CSMD2: variants seen among roughly 807,000 people sequenced by gnomAD.
CSMD2 encodes the protein CUB and sushi domain-containing protein 2.
A neutral mutation model predicts 398.5 loss-of-function variants in CSMD2; 130 were observed. The observed-to-expected ratio is 0.33, with a 90% CI of 0.28 to 0.38. The LOEUF (loss-of-function observed/expected upper bound fraction) is 0.38. Among genes scored for constraint, CSMD2 ranks in the 10% least tolerant of loss-of-function variants. The pLI is 1.00. For missense variants in CSMD2, 3,829 were observed against 4,764.9 expected (o/e 0.80, Z 5.78); for synonymous variants, 1,828 against 1,908.5 (o/e 0.96, Z 1.10).
At chr1:33,555,232 A>T (rs1006145152) in intron 55 of CSMD2, among the ~76,000 whole-genome samples, 25 of 152,264 alleles carry the variant, frequency 1.6e-4, no homozygotes, top group African/African-American at 4.8e-4. Context: ...AGATGTGGTA[A>T]AAGTAGCAAG....
At chr1:34,041,753 C>T (rs1405112225) in intron 2 of CSMD2, among the ~76,000 whole-genome samples, 2 of 152,148 alleles carry the variant, frequency 1.3e-5, no homozygotes, top group Admixed American at 6.5e-5. Context: ...GTCTCCACAT[C>T]CCTAGGGCCA....
intron 3 of CSMD2, among the ~76,000 whole-genome samples, chr1:34,013,024 C>G (rs1647577893): frequency 6.6e-6 from 1 of 152,224 alleles, no homozygotes; most frequent in Non-Finnish European, 1.5e-5. Flanking sequence ...AAGCCCAACA[C>G]TAAGCCCAAG....
At chr1:33,517,360 C>T (rs10914738) in intron 70 of CSMD2, among the ~76,000 whole-genome samples, 22,413 of 152,076 alleles carry the variant, frequency 0.15, 2,157 homozygotes, top group East Asian at 0.39. Context: ...CCAGCCGACC[C>T]GGAGGTGACA....
intron 12 of CSMD2, among the ~76,000 whole-genome samples, chr1:33,784,214 C>T (rs564403645): frequency 2.6e-5 from 4 of 152,266 alleles, no homozygotes; most frequent in African/African-American, 7.2e-5. Flanking sequence ...AGGATAGACT[C>T]TGAGGGGCAG....
chr1:33,698,450 C>G (rs910500139), intron 24 of CSMD2, among the ~76,000 whole-genome samples: 3 of 152,214 alleles, frequency 2.0e-5, no homozygotes, highest in African/African-American at 7.2e-5. Flanking sequence ...GACTCTCCCA[C>G]CTCATCGCTA....
At chr1:33,731,951 G>A (rs1325122052) in intron 15 of CSMD2, among the ~76,000 whole-genome samples, 6 of 152,122 alleles carry the variant, frequency 3.9e-5, no homozygotes, top group African/African-American at 1.4e-4. Flanking sequence ...AATGGGTGGG[G>A]ATATAAATGA....
rs559678917 is a variant in CSMD2, at chr1:34,120,293, G to A, written c.188-31100C>T. On this transcript the variant is annotated intron_variant, in intron 1 of 70. Transcript: ENST00000373381. ...ATTAAGATGGTGATTGTCATGGGCT[G>A]GGGGAAAGGAGAGTTGTTGCTCAAT... 3.8e-3 allele frequency among the ~76,000 whole-genome samples: 576 copies of A among 152,280 alleles called. 3 individuals are homozygous for A. The highest frequency in any genetic ancestry group is 0.013 in the African/African-American group (551 of 41,570).
intron 46 of CSMD2, 34 bp from the exon 47 acceptor site, chr1:33,583,864 G>A (rs376786772): frequency 1.2e-4 from 188 of 1,592,022 alleles, no homozygotes; most frequent in Non-Finnish European, 1.6e-4. Context: ...CAAGTACGTG[G>A]GGGTGGAGAT....
At chr1:34,154,926 C>T (rs1571288938) in intron 1 of CSMD2, among the ~76,000 whole-genome samples, 1 of 152,226 alleles carries the variant, frequency 6.6e-6, no homozygotes, top group Non-Finnish European at 1.5e-5. Flanking sequence ...CGGGGTTTTG[C>T]CATTTTGATC....
chr1:33,786,160 AC>A (rs1330597132), intron 12 of CSMD2, among the ~76,000 whole-genome samples: 1 of 152,124 alleles, frequency 6.6e-6, no homozygotes, highest in African/African-American at 2.4e-5. Context: ...CAATGGCTCT[AC>A]CCCACCCAGA....
At chr1:33,607,005 A>G (rs1283068728) in intron 41 of CSMD2, among the ~76,000 whole-genome samples, 1 of 152,240 alleles carries the variant, frequency 6.6e-6, no homozygotes, top group African/African-American at 2.4e-5. Context: ...CTAAAGGGAC[A>G]CACCTGGTGA....
intron 15 of CSMD2, among the ~76,000 whole-genome samples, chr1:33,732,620 A>G (rs1391654318): frequency 6.6e-6 from 1 of 152,182 alleles, no homozygotes; most frequent in Non-Finnish European, 1.5e-5. Context: ...ACCTGTGAGA[A>G]AATAAATTTA....
intron 13 of CSMD2, among the ~76,000 whole-genome samples, chr1:33,767,876 C>T (rs2149318511): frequency 6.6e-6 from 1 of 152,274 alleles, no homozygotes; most frequent in Non-Finnish European, 1.5e-5. Context: ...TGCAGATGAT[C>T]CCTAAACTTC....
At chr1:34,120,609 A>G (rs1006333596) in intron 1 of CSMD2, among the ~76,000 whole-genome samples, 15 of 152,154 alleles carry the variant, frequency 9.9e-5, no homozygotes, top group African/African-American at 3.1e-4. Flanking sequence ...CAATGGCGCA[A>G]TCTCGGCTCA....
intron 4 of CSMD2, among the ~76,000 whole-genome samples, chr1:33,922,347 C>T (rs1410089471): frequency 6.6e-6 from 1 of 152,044 alleles, no homozygotes; most frequent in Non-Finnish European, 1.5e-5. Context: ...TAAGCAGGGG[C>T]CAAAGAGAAA....
chr1:34,111,693 A>G (rs1661091918), intron 1 of CSMD2, among the ~76,000 whole-genome samples: 1 of 152,198 alleles, frequency 6.6e-6, no homozygotes, highest in Non-Finnish European at 1.5e-5. Flanking sequence ...CATCTGGCAA[A>G]GCTGGGGTTC....
intron 3 of CSMD2, among the ~76,000 whole-genome samples, chr1:33,957,590 GTCAATGAGTTCTACACAATCCTATCCC>G (rs1457632649): frequency 6.6e-6 from 1 of 151,910 alleles, no homozygotes; most frequent in Non-Finnish European, 1.5e-5. Flanking sequence ...CAGGCTTAAT[GTCAATGAGTTCTACACAATCCTATCCC>G]ACTCCCAGGT....
intron 3 of CSMD2, among the ~76,000 whole-genome samples, chr1:33,994,731 T>A (rs1180106107): frequency 6.6e-6 from 1 of 152,146 alleles, no homozygotes; most frequent in African/African-American, 2.4e-5. Context: ...AGGAATCTAA[T>A]CTCATTGGCC....
chr1:33,733,864 C>T (rs781619962), intron 15 of CSMD2, among the ~76,000 whole-genome samples: 2 of 152,210 alleles, frequency 1.3e-5, no homozygotes, highest in Admixed American at 6.5e-5. Flanking sequence ...TTGGGCATTT[C>T]TTCATAGCAA....
Sources: allele counts gnomAD v4.1 joint callset (sites outside exome capture counted in the v4.1 genomes callset), GRCh38; gene constraint gnomAD v4.1.1; transcripts MANE v1.5; gene names NCBI Gene and HGNC (gene_info 2026-07-23, HGNC 2026-07-21).